CYP27A1: variants seen among roughly 807,000 people sequenced by gnomAD.
CYP27A1 encodes sterol 26-hydroxylase, mitochondrial.
CYP27A1 carries 46 observed loss-of-function variants against 58.2 expected under a neutral mutation model. The observed-to-expected ratio is 0.79, with a 90% CI of 0.62 to 1.01. CYP27A1 has a LOEUF of 1.01. Among genes scored for constraint, CYP27A1 ranks in the 50% least tolerant of loss-of-function variants. The probability of loss-of-function intolerance (pLI) is 0.00; values close to 1 mark genes in which losing one functional copy is unlikely to be tolerated. For synonymous variants in CYP27A1, 274 were observed against 285.1 expected (o/e 0.96, Z 0.39); for missense variants, 704 against 687.0 (o/e 1.02, Z -0.28).
chr2:218,783,702 G>A (rs1943416582), intron 1 of CYP27A1, among the ~76,000 whole-genome samples: 1 of 152,148 alleles, frequency 6.6e-6, no homozygotes, highest in Non-Finnish European at 1.5e-5. Context: ...TGGGGAAGAG[G>A]GAGGGGGCTT....
chr2:218,813,173 T>C (rs1407152264), intron 5 of CYP27A1, 77 bp downstream of exon 5: 2 of 1,354,534 alleles, frequency 1.5e-6, no homozygotes, highest in East Asian at 2.3e-5. Flanking sequence ...CCTCACCTGA[T>C]CCCGACCTTC....
rs1553616268 is a variant in CYP27A1, at chr2:218,812,587, T to C, written c.682T>C (p.Cys228Arg). 2 of 1,614,132 alleles carry C rather than the reference T, an allele frequency of 1.2e-6. No homozygotes were observed. Among genetic ancestry groups the C allele is most frequent in the Admixed American group, 3.3e-5 (2 of 60,004 alleles). Reference protein sequence around the residue: ...CYILFEKRIGCLQRSIPEDTV... With the variant: ...CYILFEKRIGRLQRSIPEDTV... ...CATCCTGTTCGAGAAACGCATTGGC[T>C]GCCTGCAGCGATCCATCCCCGAGGA... The change falls in exon 4 of 9, where the codon TGC (cysteine) becomes CGC (arginine). Residue 228 changes from cysteine (C) to arginine (R), a missense_variant. Coordinates refer to ENST00000258415, the MANE Select transcript of CYP27A1 (RefSeq NM_000784.4).
chr2:218,813,928 C>T, intron 5 of CYP27A1, 93 bp from the exon 6 acceptor site: 1 of 1,407,000 alleles, frequency 7.1e-7, no homozygotes, highest in Non-Finnish European at 1.0e-6. Flanking sequence ...ATTCATTTCT[C>T]CCACATTTTG....
intron 1 of CYP27A1, among the ~76,000 whole-genome samples, chr2:218,808,085 T>C (rs1461386855): frequency 2.0e-5 from 3 of 152,228 alleles, no homozygotes; most frequent in African/African-American, 4.8e-5. Flanking sequence ...TCTTCATCCC[T>C]TTTTAAGGTG....
At chr2:218,803,447 G>C (rs1943618266) in intron 1 of CYP27A1, among the ~76,000 whole-genome samples, 1 of 151,940 alleles carries the variant, frequency 6.6e-6, no homozygotes, top group African/African-American at 2.4e-5. Flanking sequence ...TCTTTTTTGA[G>C]ACCGAGTCTC....
chr2:218,793,353 G>C (rs1943515081), intron 1 of CYP27A1, among the ~76,000 whole-genome samples: 2 of 152,102 alleles, frequency 1.3e-5, no homozygotes, highest in Admixed American at 1.3e-4. Context: ...TGGGATTAGA[G>C]GCATGAACCA....
chr2:218,814,050 C>A lies in CYP27A1; in HGVS notation c.1047C>A (p.Tyr349Ter). The change falls in exon 6 of 9, where the codon TAC becomes TAA. Residue 349 changes from tyrosine to a stop codon, truncating the protein, a stop_gained. Transcript: ENST00000258415. LOFTEE classifies it high-confidence loss of function. ...TTSNTLTWAL[Y>*]HLSKDPEIQE... The stretch of plus-strand genomic sequence containing the variant: ...CCAACACGCTGACATGGGCCCTGTA[C>A]CACCTCTCAAAGGACCCTGAGATCC... 1 of 1,614,270 alleles carries A rather than the reference C, an allele frequency of 6.2e-7. No homozygotes were observed. Among genetic ancestry groups the A allele is most frequent in the Non-Finnish European group, 8.5e-7 (1 of 1,180,052 alleles).
In CYP27A1 at chr2:218,782,151, G is replaced by C; in HGVS notation, c.-32G>C. The C allele has an allele frequency of 6.5e-7, 1 of 1,532,590 alleles. No individual in the cohort carries two copies. Among genetic ancestry groups the C allele is most frequent in the African/African-American group, 1.4e-5 (1 of 72,726 alleles). 94.9% of individuals were successfully genotyped at this position (1,532,590 alleles called of 1,614,324 possible). On this transcript the variant is annotated 5_prime_UTR_variant, in exon 1 of 9. Coordinates refer to ENST00000258415, the MANE Select transcript of CYP27A1 (RefSeq NM_000784.4). The surrounding 1 kb of genome is among the most constrained non-coding windows in gnomAD (Gnocchi z 4.1). ...GGGCGGGTCCGGGGACTCAGCACTC[G>C]ACCCAAAGGTGCAGGCGCGCGAGCA...
chr2:218,804,854 A>G (rs1204934854), intron 1 of CYP27A1, among the ~76,000 whole-genome samples: 2 of 152,252 alleles, frequency 1.3e-5, no homozygotes, highest in Non-Finnish European at 2.9e-5. Flanking sequence ...GGCTTAAACA[A>G]CAAATTTATT....
rs72551312 is a variant in CYP27A1, at chr2:218,809,730, C to T, written c.409C>T (p.Arg137Trp). 1.6e-5 allele frequency: 26 copies of T among 1,613,856 alleles called. No individual in the cohort carries two copies. Among genetic ancestry groups the T allele is most frequent in the East Asian group, 1.1e-4 (5 of 44,882 alleles). The change falls in exon 2 of 9, where the codon CGG becomes TGG. Residue 137 changes from arginine (R) to tryptophan (W), a missense_variant. Transcript: ENST00000258415. ...CGACATGGAGCTATGGAAGGAGCAC[C>T]GGGACCAGCACGACCTGACCTATGG... is the stretch of plus-strand genomic sequence containing the variant. ...RNDMELWKEH[R>W]DQHDLTYGPF...
chr2:218,797,381 C>A (rs1038641789), intron 1 of CYP27A1, among the ~76,000 whole-genome samples: 2 of 152,110 alleles, frequency 1.3e-5, no homozygotes, highest in East Asian at 3.8e-4. Flanking sequence ...ATTACAGGCA[C>A]GAGCCGTTGC....
intron 3 of CYP27A1, 29 bp downstream of exon 3, chr2:218,812,450 A>G (rs765833168): frequency 8.1e-6 from 13 of 1,613,372 alleles, no homozygotes; most frequent in Non-Finnish European, 1.1e-5. Context: ...GGGCTGGGGA[A>G]GGGAATGGGT....
At chr2:218,794,171 C>T (rs1232908655) in intron 1 of CYP27A1, among the ~76,000 whole-genome samples, 3 of 152,292 alleles carry the variant, frequency 2.0e-5, no homozygotes, top group Middle Eastern at 3.4e-3. Flanking sequence ...GTAAACCTCC[C>T]GAGGCTCCAC....
intron 5 of CYP27A1, 58 bp from the exon 6 acceptor site, chr2:218,813,963 C>T: frequency 6.3e-7 from 1 of 1,597,352 alleles, no homozygotes; most frequent in South Asian, 1.1e-5. Flanking sequence ...TACACCCTCC[C>T]ATTACTGGCC....
intron 1 of CYP27A1, among the ~76,000 whole-genome samples, chr2:218,791,890 T>G (rs780569445): frequency 3.3e-5 from 5 of 152,192 alleles, no homozygotes; most frequent in Non-Finnish European, 7.3e-5. Context: ...GGAAAGCTTT[T>G]ATACAACCAG....
chr2:218,786,754 A>C (rs1943444479), intron 1 of CYP27A1, among the ~76,000 whole-genome samples: 1 of 151,952 alleles, frequency 6.6e-6, no homozygotes, highest in East Asian at 1.9e-4. Context: ...CCAATGTCCT[A>C]AGTACATATG....
intron 1 of CYP27A1, among the ~76,000 whole-genome samples, chr2:218,796,315 G>A (rs1943547219): frequency 6.6e-6 from 1 of 152,148 alleles, no homozygotes. Flanking sequence ...ATACTCTGCT[G>A]GGTGCAGTGG....
At chr2:218,801,203 C>T (rs1218703130) in intron 1 of CYP27A1, among the ~76,000 whole-genome samples, 1 of 152,040 alleles carries the variant, frequency 6.6e-6, no homozygotes, top group Non-Finnish European at 1.5e-5. Context: ...AAAGGGCAGT[C>T]CAAAAAACAA....
chr2:218,802,281 G>A (rs1476755567), intron 1 of CYP27A1, among the ~76,000 whole-genome samples: 2 of 150,956 alleles, frequency 1.3e-5, no homozygotes, highest in African/African-American at 4.9e-5. Flanking sequence ...ATCTGTAAGG[G>A]TGCACCCTCC....
Sources: gnomAD v4.1 joint callset for allele counts (sites outside exome capture counted in the v4.1 genomes callset) on GRCh38, gnomAD v4.1.1 for gene constraint, Gnocchi (gnomAD v3.1) non-coding constraint, MANE v1.5 for transcripts, NCBI Gene and HGNC (gene_info 2026-07-23, HGNC 2026-07-21) for gene names.